Variants in SCNN1G observed in about 807,000 individuals in gnomAD.
The protein encoded by SCNN1G is epithelial sodium channel subunit gamma.
Under a neutral mutation model 64.6 loss-of-function variants are expected in SCNN1G, and 27 were observed. The observed-to-expected ratio is 0.42, with a 90% CI of 0.31 to 0.58. The LOEUF is 0.58. Among genes scored for constraint, SCNN1G ranks in the 20% least tolerant of loss-of-function variants. The pLI is 0.18. For synonymous variants in SCNN1G, 330 were observed against 314.2 expected (o/e 1.05, Z -0.53); for missense variants, 743 against 823.4 (o/e 0.90, Z 1.19).
In SCNN1G at chr16:23,215,585, A is replaced by C; in HGVS notation, c.*116A>C. The C allele has an allele frequency of 7.7e-7, 1 of 1,306,194 alleles. No individual in the cohort carries two copies. The highest frequency in any genetic ancestry group is 2.3e-5 in the East Asian group (1 of 43,278). 80.9% of individuals were successfully genotyped at this position (1,306,194 alleles called of 1,614,324 possible). A position where few individuals can be genotyped will look rare whatever the true frequency, so the allele number is the denominator to read the frequency against. ...CTCTGCCCCACTCTGGGCTTTTCAG[A>C]TACTCTGACCAAAAAGCCTGCTTTA... is the stretch of plus-strand genomic sequence containing the variant. On this transcript the variant is annotated 3_prime_UTR_variant, in exon 13 of 13. Transcript: ENST00000300061.
intron 5 of SCNN1G, 94 bp downstream of exon 5, chr16:23,194,368 C>T (rs367925706): frequency 6.8e-6 from 6 of 877,874 alleles, no homozygotes; most frequent in African/African-American, 4.9e-5. Context: ...TCTGGAAAAG[C>T]GGGATCTCTC....
At chr16:23,208,062 C>A (rs964106410) in intron 6 of SCNN1G, among the ~76,000 whole-genome samples, 3 of 152,198 alleles carry the variant, frequency 2.0e-5, no homozygotes, top group Non-Finnish European at 4.4e-5. Context: ...TATTTATCTT[C>A]CATTGAGTTG....
chr16:23,197,069 G>C (rs1232554684), intron 5 of SCNN1G, among the ~76,000 whole-genome samples, 195 bp from the exon 6 acceptor site: 1 of 152,220 alleles, frequency 6.6e-6, no homozygotes, highest in Non-Finnish European at 1.5e-5. Context: ...GGGCTAAGCT[G>C]TGGGGGCACA....
intron 6 of SCNN1G, among the ~76,000 whole-genome samples, chr16:23,198,801 T>C (rs1481407208): frequency 1.3e-5 from 2 of 151,722 alleles, no homozygotes; most frequent in East Asian, 3.9e-4. Flanking sequence ...AGACTTGTAG[T>C]CCCAGCCACT....
At position 23,215,510 on chromosome 16, in the gene SCNN1G, A is replaced by G. The variant is rs745393651; in HGVS notation, c.*41A>G. 3.7e-6 allele frequency: 6 copies of G among 1,600,572 alleles called. No individual in the cohort carries two copies. The South Asian group carries it at 6.6e-5, about 18-fold the overall frequency. ...ACAGATCTAGTCAGGACCACCAGCC[A>G]TGGTCTAAGGACATGGATCGGGTGC... On this transcript the variant is annotated 3_prime_UTR_variant, in exon 13 of 13. Coordinates refer to ENST00000300061, the MANE Select transcript of SCNN1G (RefSeq NM_001039.4).
rs72647540 is a variant in SCNN1G, at chr16:23,215,080, G to A, written c.1570-9G>A. The stretch of plus-strand genomic sequence containing the variant: ...TCCTCTTGATGGTGTGGCTTGGCCT[G>A]TCTTGCAGATTGAGATGCTTCTGTC... On this transcript the variant is annotated splice_polypyrimidine_tract_variant and intron_variant, in intron 12 of 12. Coordinates refer to ENST00000300061, the MANE Select transcript of SCNN1G (RefSeq NM_001039.4). The A allele has an allele frequency of 5.9e-4, 958 of 1,613,912 alleles. 13 individuals carry two copies. In the African/African-American group the frequency reaches 0.011, roughly 19 times the overall value.
intron 6 of SCNN1G, among the ~76,000 whole-genome samples, chr16:23,208,855 G>A (rs1178682885): frequency 6.6e-6 from 1 of 151,582 alleles, no homozygotes. Flanking sequence ...TCCCTCCTCA[G>A]TCTCCCAAAA....
Position 23,186,568 on chromosome 16 carries a change from C to T in SCNN1G, c.297C>T (p.Ile99=), listed in dbSNP as rs142767823. 89 of 1,613,016 alleles carry T rather than the reference C, an allele frequency of 5.5e-5. No homozygotes were observed. Among genetic ancestry groups the T allele is most frequent in the Non-Finnish European group, 7.3e-5 (86 of 1,180,018 alleles). The change falls in exon 2 of 13, where the codon ATC becomes ATT. Residue 99 remains isoleucine (I), a synonymous_variant. Coordinates refer to ENST00000300061, the MANE Select transcript of SCNN1G (RefSeq NM_001039.4). ...AGCTGGATTTTCCTGCAGTCACCAT[C>T]TGCAACATCAACCCCTACAAGTAAG... ...FRKLDFPAVT[I]CNINPYKYST...
rs557776031 is a variant in SCNN1G, at chr16:23,189,439, A to T, written c.386A>T (p.Tyr129Phe). 3.7e-6 allele frequency: 6 copies of T among 1,614,154 alleles called. No individual in the cohort carries two copies. In the African/African-American group the frequency reaches 8.0e-5, roughly 22 times the overall value. Residue 129 changes from tyrosine to phenylalanine, a missense_variant, in exon 3 of 13, where the codon TAT becomes TTT. Transcript: ENST00000300061. ...ACCAGAGAGGCCCTGAAGTCCCTGTATGGCTTTCCAGAGTCCCGGAAGCGC... is the reference window on the plus strand; with the variant it reads ...ACCAGAGAGGCCCTGAAGTCCCTGTTTGGCTTTCCAGAGTCCCGGAAGCGC... ...QETREALKSL[Y>F]GFPESRKRRE...
chr16:23,191,255 G>A (rs1459574893), intron 3 of SCNN1G, among the ~76,000 whole-genome samples: 1 of 152,044 alleles, frequency 6.6e-6, no homozygotes, highest in Non-Finnish European at 1.5e-5. Flanking sequence ...GGAGGACAGG[G>A]GCTATGTCCA....
At chr16:23,188,992 C>CCATTA (rs1959659047) in intron 2 of SCNN1G, among the ~76,000 whole-genome samples, 2 of 152,042 alleles carry the variant, frequency 1.3e-5, no homozygotes, top group Admixed American at 1.3e-4. Context: ...AGGAGCCTGC[C>CCATTA]CATTAGGTAG....
intron 6 of SCNN1G, among the ~76,000 whole-genome samples, chr16:23,204,334 T>TATATATATATATATATATAGAGAGAG (rs1567267153): frequency 6.6e-5 from 1 of 15,176 alleles, no homozygotes; most frequent in Non-Finnish European, 1.1e-4. Flanking sequence ...TATATATATA[T>TATATATATATATATATATAGAGAGAG]AGAGAGAGAG....
At chr16:23,189,753 C>A in intron 3 of SCNN1G, 82 bp downstream of exon 3, 1 of 1,285,870 alleles carries the variant, frequency 7.8e-7, no homozygotes, top group Non-Finnish European at 1.1e-6. Flanking sequence ...TGACCACTAG[C>A]CCCTGTGGTC....
intron 6 of SCNN1G, among the ~76,000 whole-genome samples, chr16:23,201,267 G>A (rs537119917): frequency 2.0e-5 from 3 of 152,170 alleles, no homozygotes; most frequent in Admixed American, 6.5e-5. Context: ...TTATCCTTTC[G>A]CCCTCTTCCC....
rs564942092 is a variant in SCNN1G at position 23,200,250 on chromosome 16, T to C, written c.1077+2823T>C. The stretch of plus-strand genomic sequence containing the variant: ...TGGTTATTCTAAGAGGCAGCACCCT[T>C]GGGAGTCTTGGCTTGACCTTTTTTT... On this transcript the variant is annotated intron_variant, in intron 6 of 12. Transcript: ENST00000300061. Among the ~76,000 whole-genome samples, 259 of 152,208 alleles carry C rather than the reference T, an allele frequency of 1.7e-3. 2 individuals are homozygous for C. Among genetic ancestry groups the C allele is most frequent in the Middle Eastern group, 0.01 (3 of 294 alleles).
At chr16:23,214,501 C>T (rs1027710027) in intron 11 of SCNN1G, among the ~76,000 whole-genome samples, 7 of 152,114 alleles carry the variant, frequency 4.6e-5, no homozygotes, top group Non-Finnish European at 8.8e-5. Context: ...GGGAGCAGTT[C>T]TTGAGTGAAT....
intron 6 of SCNN1G, among the ~76,000 whole-genome samples, chr16:23,198,961 G>A (rs997101573): frequency 1.3e-5 from 2 of 152,116 alleles, no homozygotes; most frequent in African/African-American, 4.8e-5. Flanking sequence ...GGCTGAGTGG[G>A]GAGGAGTGCT....
chr16:23,215,974 T>A lies in SCNN1G; in HGVS notation c.*505T>A. On this transcript the variant is annotated 3_prime_UTR_variant, in exon 13 of 13. Transcript: ENST00000300061. ...AAGCTGGAGCCGTTTGTGAATAAAC[T>A]GTTCTTCATCATTGACACTGGAGAA... 1 of 209,688 alleles carries A rather than the reference T, an allele frequency of 4.8e-6. No homozygotes were observed. Among genetic ancestry groups the A allele is most frequent in the East Asian group, 1.2e-4 (1 of 8,332 alleles). The allele number at this position is 209,688 out of a possible 1,614,324, so 13.0% of individuals were successfully genotyped here.
At chr16:23,204,330 TATATAGAGAGAG>T (rs1567267136) in intron 6 of SCNN1G, among the ~76,000 whole-genome samples, 7 of 34,478 alleles carry the variant, frequency 2.0e-4, no homozygotes, top group East Asian at 9.9e-4. Flanking sequence ...TATATATATA[TATATAGAGAGAG>T]AGAGAGAGAG....
Sources: allele counts gnomAD v4.1 joint callset (sites outside exome capture counted in the v4.1 genomes callset), GRCh38; gene constraint gnomAD v4.1.1; transcripts MANE v1.5; gene names NCBI Gene and HGNC (gene_info 2026-07-23, HGNC 2026-07-21).